FAM241B: variants seen among roughly 807,000 people sequenced by gnomAD.
FAM241B encodes protein FAM241B.
FAM241B carries 7 observed loss-of-function variants against 9.3 expected under a neutral mutation model. That is an observed-to-expected ratio of 0.75 (90% CI 0.43 to 1.41). The LOEUF (loss-of-function observed/expected upper bound fraction) is 1.41. Among genes scored for constraint, FAM241B ranks in the 40% most tolerant of loss-of-function variants. FAM241B has a pLI of 0.01. For synonymous variants in FAM241B, 60 were observed against 64.1 expected (o/e 0.94, Z 0.31); for missense variants, 136 against 159.6 (o/e 0.85, Z 0.80).
rs765513352 is a variant in FAM241B at position 69,633,097 on chromosome 10, A to T, written c.*38A>T. ...GATAGGGGTGGGTTTGTTGAGAGGG[A>T]CTTGCTGGGCCTTGGTGTGAGAGCA... On this transcript the variant is annotated 3_prime_UTR_variant, in exon 4 of 4. Transcript: ENST00000373279. The T allele has an allele frequency of 1.9e-6, 3 of 1,609,286 alleles. No individual in the cohort carries two copies. Among genetic ancestry groups the T allele is most frequent in the African/African-American group, 2.7e-5 (2 of 74,792 alleles).
At chr10:69,632,621 T>C (rs1839848659) in intron 3 of FAM241B, among the ~76,000 whole-genome samples, 169 bp from the exon 4 acceptor site, 1 of 152,180 alleles carries the variant, frequency 6.6e-6, no homozygotes, top group African/African-American at 2.4e-5. Flanking sequence ...CTCTGAGAGC[T>C]TGTGACTTGG....
chr10:69,632,932 A>T lies in FAM241B; in HGVS notation c.239A>T (p.His80Leu). The T allele has an allele frequency of 6.2e-7, 1 of 1,614,196 alleles. No homozygotes were observed. The stretch of plus-strand genomic sequence containing the variant: ...GTGAACATGGGCTTTCCGCAGTGGC[A>T]TCTTGGCAACCATGCTGTGGAGCCG... ...QLVNMGFPQWHLGNHAVEPVT... is the reference protein window; with the variant it reads ...QLVNMGFPQWLLGNHAVEPVT... Residue 80 changes from histidine to leucine, a missense_variant, in exon 4 of 4, where the codon CAT (histidine) becomes CTT (leucine). Physicochemically the swap from His to Leu is moderately conservative, Grantham distance 99. Coordinates refer to ENST00000373279, the MANE Select transcript of FAM241B (RefSeq NM_145306.3).
chr10:69,633,144 G>T lies in FAM241B; in HGVS notation c.*85G>T. On this transcript the variant is annotated 3_prime_UTR_variant, in exon 4 of 4. Transcript: ENST00000373279. ...AGCAGGCATATTTGGAGGGGATCTG[G>T]TGGTGCCTTGAAGGTATGATCAGAG... 6.5e-7 allele frequency: 1 copy of T among 1,546,648 alleles called. No homozygotes were observed. Among genetic ancestry groups the T allele is most frequent in the Non-Finnish European group, 8.8e-7 (1 of 1,139,124 alleles).
intron 1 of FAM241B, 43 bp from the exon 2 acceptor site, chr10:69,631,437 T>C (rs1275929171): frequency 1.4e-6 from 2 of 1,416,598 alleles, no homozygotes; most frequent in South Asian, 1.2e-5. Context: ...TCTTTTTGCC[T>C]GGCAAACAAC....
chr10:69,630,298 G>T lies in FAM241B; in HGVS notation c.-119G>T, dbSNP rs1202613178. On this transcript the variant is annotated 5_prime_UTR_variant, in exon 1 of 4. Coordinates refer to ENST00000373279, the MANE Select transcript of FAM241B (RefSeq NM_145306.3). ...CCGGGAGTGGACGCCGCCGAGGCCCGGAGTCGCGCCTGCAGGTGAGTCGCC... is the reference window on the plus strand; with the variant it reads ...CCGGGAGTGGACGCCGCCGAGGCCCTGAGTCGCGCCTGCAGGTGAGTCGCC... 1 of 152,654 alleles carries T rather than the reference G, an allele frequency of 6.6e-6. No individual in the cohort carries two copies. The highest frequency in any genetic ancestry group is 1.5e-5 in the Non-Finnish European group (1 of 68,452). The allele number at this position is 152,654 out of a possible 1,614,324, so 9.5% of individuals were successfully genotyped here. A position where few individuals can be genotyped will look rare whatever the true frequency, so the allele number is the denominator to read the frequency against.
Position 69,631,835 on chromosome 10 carries a change from G to C in FAM241B, c.92G>C (p.Arg31Pro), listed in dbSNP as rs1393514172. The C allele has an allele frequency of 6.2e-7, 1 of 1,608,692 alleles. No individual in the cohort carries two copies. The highest frequency in any genetic ancestry group is 1.7e-5 in the Admixed American group (1 of 59,198). Residue 31 changes from arginine to proline, a missense_variant, in exon 3 of 4, where the codon CGA (arginine) becomes CCA (proline). Arg to Pro is a moderately radical substitution (Grantham distance 103). Transcript: ENST00000373279. ...CAGCCACCAAGAGGTAGCATTCCTCGACAGGTAGGTACTCATTTCCTGTGG... is the reference window on the plus strand; with the variant it reads ...CAGCCACCAAGAGGTAGCATTCCTCCACAGGTAGGTACTCATTTCCTGTGG... ...TTQPPRGSIP[R>P]QSFFNRGHGA...
At chr10:69,632,586 G>A (rs576837259) in intron 3 of FAM241B, among the ~76,000 whole-genome samples, 20 of 152,248 alleles carry the variant, frequency 1.3e-4, no homozygotes, top group Non-Finnish European at 1.9e-4. Flanking sequence ...CCTGATGTGA[G>A]GAATATAGAC....
In FAM241B at chr10:69,633,001, T is replaced by A. The variant is rs1318325682; in HGVS notation, c.308T>A (p.Val103Asp). The A allele has an allele frequency of 6.2e-7, 1 of 1,614,196 alleles. No individual in the cohort carries two copies. The highest frequency in any genetic ancestry group is 8.5e-7 in the Non-Finnish European group (1 of 1,180,038). Reference sequence around the variant, plus strand: ...CTCTTCCTGCTCATGATGCTTGGTGTTCGTGGCCTCCTCCTGGTTGGCCTT... The same window carrying A: ...CTCTTCCTGCTCATGATGCTTGGTGATCGTGGCCTCCTCCTGGTTGGCCTT... Reference protein sequence around the residue: ...LLLFLLMMLGVRGLLLVGLVY... With the variant: ...LLLFLLMMLGDRGLLLVGLVY... The change falls in exon 4 of 4, where the codon GTT becomes GAT. Residue 103 changes from valine to aspartate, a missense_variant. Physicochemically the swap from Val to Asp is radical, Grantham distance 152 (BLOSUM62 -3). Coordinates refer to ENST00000373279, the MANE Select transcript of FAM241B (RefSeq NM_145306.3).
chr10:69,633,272 A>T lies in FAM241B; in HGVS notation c.*213A>T. ...GTGGGTGGGTCCGTTGGTTCCCAAG[A>T]TACTTTTAGGTGGTATGGGGCCTGC... On this transcript the variant is annotated 3_prime_UTR_variant, in exon 4 of 4. Transcript: ENST00000373279. The T allele has an allele frequency of 1.5e-6, 1 of 663,724 alleles. No homozygotes were observed. Among genetic ancestry groups the T allele is most frequent in the South Asian group, 1.9e-5 (1 of 51,446 alleles). 41.1% of individuals were successfully genotyped at this position (663,724 alleles called of 1,614,324 possible).
chr10:69,632,829 C>T lies in FAM241B; in HGVS notation c.136C>T (p.Pro46Ser), dbSNP rs762661683. 4 of 1,613,740 alleles carry T rather than the reference C, an allele frequency of 2.5e-6. No individual in the cohort carries two copies. The Admixed American group carries it at 6.7e-5, about 27-fold the overall frequency. Residue 46 changes from proline (P) to serine (S), a missense_variant, in exon 4 of 4, where the codon CCT becomes TCT. Coordinates refer to ENST00000373279, the MANE Select transcript of FAM241B (RefSeq NM_145306.3). Reference protein sequence around the residue: ...NRGHGAPPGGPGPRQQQAGAR... With the variant: ...NRGHGAPPGGSGPRQQQAGAR... Reference sequence around the variant, plus strand: ...GGGCCATGGTGCTCCCCCAGGGGGTCCTGGCCCCCGCCAGCAGCAGGCAGG... The same window carrying T: ...GGGCCATGGTGCTCCCCCAGGGGGTTCTGGCCCCCGCCAGCAGCAGGCAGG...
chr10:69,632,105 G>A (rs1022401139), intron 3 of FAM241B, among the ~76,000 whole-genome samples: 1 of 152,140 alleles, frequency 6.6e-6, no homozygotes, highest in Non-Finnish European at 1.5e-5. Flanking sequence ...TTTTAAGAGT[G>A]GGTTGGATGA....
intron 3 of FAM241B, among the ~76,000 whole-genome samples, chr10:69,632,477 AAAAG>A (rs1253535807): frequency 4.1e-5 from 6 of 146,826 alleles, no homozygotes; most frequent in African/African-American, 1.3e-4. Flanking sequence ...AAAAAAAAAA[AAAAG>A]AAAGGAGTGA....
At position 69,633,030 on chromosome 10, in the gene FAM241B, T is replaced by C. The variant is rs1347464129; in HGVS notation, c.337T>C (p.Tyr113His). Residue 113 changes from tyrosine (Y) to histidine (H), a missense_variant, in exon 4 of 4, where the codon TAC (tyrosine) becomes CAC (histidine). By Grantham distance (83) the Tyr-to-His change is moderately conservative. Transcript: ENST00000373279. The stretch of plus-strand genomic sequence containing the variant: ...TGGCCTCCTCCTGGTTGGCCTTGTC[T>C]ACCTGGTGTCCCACCTGAGTCAGCG... Reference protein sequence around the residue: ...VRGLLLVGLVYLVSHLSQR With the variant: ...VRGLLLVGLVHLVSHLSQR 1.2e-6 allele frequency: 2 copies of C among 1,614,212 alleles called. No individual in the cohort carries two copies. The highest frequency in any genetic ancestry group is 2.2e-5 in the East Asian group (1 of 44,872).
At position 69,632,949 on chromosome 10, in the gene FAM241B, G is replaced by T; in HGVS notation, c.256G>T (p.Val86Leu). The T allele has an allele frequency of 6.2e-7, 1 of 1,614,226 alleles. No individual in the cohort carries two copies. The highest frequency in any genetic ancestry group is 8.5e-7 in the Non-Finnish European group (1 of 1,180,036). Residue 86 changes from valine (V) to leucine (L), a missense_variant, in exon 4 of 4, where the codon GTG (valine) becomes TTG (leucine). Transcript: ENST00000373279. ...GCAGTGGCATCTTGGCAACCATGCT[G>T]TGGAGCCGGTGACCTCCATCCTGCT... ...FPQWHLGNHA[V>L]EPVTSILLLF...
intron 3 of FAM241B, among the ~76,000 whole-genome samples, chr10:69,632,465 A>G (rs1839844714): frequency 6.6e-6 from 1 of 150,810 alleles, no homozygotes; most frequent in South Asian, 2.1e-4. Context: ...CTCAAAAAAA[A>G]AAAAAAAAAA....
Position 69,631,824 on chromosome 10 carries a change from T to C in FAM241B, c.81T>C (p.Gly27=), listed in dbSNP as rs749984381. Reference sequence around the variant, plus strand: ...GGACCACTACCCAGCCACCAAGAGGTAGCATTCCTCGACAGGTAGGTACTC... The same window carrying C: ...GGACCACTACCCAGCCACCAAGAGGCAGCATTCCTCGACAGGTAGGTACTC... The part of the protein sequence containing the change: ...RVRTTTQPPR[G]SIPRQSFFNR... The change falls in exon 3 of 4, where the codon GGT becomes GGC. Residue 27 remains glycine, a synonymous_variant. Transcript: ENST00000373279. 1.2e-6 allele frequency: 2 copies of C among 1,611,016 alleles called. No homozygotes were observed. Among genetic ancestry groups the C allele is most frequent in the African/African-American group, 1.3e-5 (1 of 74,824 alleles).
chr10:69,630,534 C>A, intron 1 of FAM241B: 1 of 889,040 alleles, frequency 1.1e-6, no homozygotes, highest in Non-Finnish European at 1.5e-6. Context: ...CCACCATCCG[C>A]TCGGCCTGCG....
Position 69,631,763 on chromosome 10 carries a change from A to G in FAM241B, c.20A>G (p.Asn7Ser). 6.2e-7 allele frequency: 1 copy of G among 1,613,334 alleles called. No homozygotes were observed. The highest frequency in any genetic ancestry group is 8.5e-7 in the Non-Finnish European group (1 of 1,179,846). The change falls in exon 3 of 4, where the codon AAT becomes AGT. Residue 7 changes from asparagine (N) to serine (S), a missense_variant. By Grantham distance (46) the Asn-to-Ser change is conservative. Coordinates refer to ENST00000373279, the MANE Select transcript of FAM241B (RefSeq NM_145306.3). MVRILA[N>S]GEIVQDDDPR... ...GGGAGGATGGTGCGGATCTTGGCCA[A>G]TGGGGAAATCGTGCAGGATGACGAC... is the stretch of plus-strand genomic sequence containing the variant.
At chr10:69,632,732 T>A in intron 3 of FAM241B, 58 bp from the exon 4 acceptor site, 1 of 1,571,410 alleles carries the variant, frequency 6.4e-7, no homozygotes, top group Non-Finnish European at 8.6e-7. Context: ...AGAGGTTGAT[T>A]CCTGGCTGGT....
Sources: gnomAD v4.1 joint callset for allele counts (sites outside exome capture counted in the v4.1 genomes callset) on GRCh38, gnomAD v4.1.1 for gene constraint, MANE v1.5 for transcripts, NCBI Gene and HGNC (gene_info 2026-07-23, HGNC 2026-07-21) for gene names.